The following SIPA1L3 variants were observed in gnomAD, a reference collection of about 807,000 sequenced individuals.
SIPA1L3 encodes signal induced proliferation associated 1 like 3.
Under a neutral mutation model 150.1 loss-of-function variants are expected in SIPA1L3, and 59 were observed. The observed-to-expected ratio is 0.39, with a 90% CI of 0.32 to 0.49. The LOEUF (loss-of-function observed/expected upper bound fraction) is 0.49, where lower values mean the gene tolerates loss of function less well. Ranked by LOEUF, SIPA1L3 falls within the 20% of genes least tolerant of loss-of-function variation. The probability of loss-of-function intolerance (pLI) is 0.86; values close to 1 mark genes in which losing one functional copy is unlikely to be tolerated. For synonymous variants in SIPA1L3, 1,070 were observed against 1,077.6 expected, an observed-to-expected ratio of 0.99 and a Z score of 0.14; for missense variants, 2,211 against 2,489.5, an observed-to-expected ratio of 0.89 and a Z score of 2.38.
chr19:37,974,694 A>C (rs1941004142), intron 1 of SIPA1L3, among the ~76,000 whole-genome samples: 1 of 151,966 alleles, frequency 6.6e-6, no homozygotes, highest in African/African-American at 2.4e-5. Flanking sequence ...GTTACTGATG[A>C]TGACTTTTGA....
intron 1 of SIPA1L3, chr19:37,964,486 C>CTTT (rs1325302317): frequency 6.5e-6 from 1 of 154,054 alleles, no homozygotes; most frequent in Admixed American, 6.5e-5. Context: ...TTCTGTCTTT[C>CTTT]TTTTTGTTTG....
At position 38,016,649 on chromosome 19, in the gene SIPA1L3, C is replaced by T. The variant is rs1338452532; in HGVS notation, c.-378-12440C>T. ...CTGGGATTACGGGCACATGCCACCA[C>T]GCTCAGCTAACTTTTGTATTTTTAG... On this transcript the variant is annotated intron_variant, in intron 1 of 21. Transcript: ENST00000222345. Among the ~76,000 whole-genome samples, 8 of 152,166 alleles carry T rather than the reference C, an allele frequency of 5.3e-5. No homozygotes were observed. The South Asian group carries it at 6.2e-4, about 12-fold the overall frequency.
At chr19:38,152,259 G>A (rs1026392588) in intron 12 of SIPA1L3, among the ~76,000 whole-genome samples, 10 of 152,146 alleles carry the variant, frequency 6.6e-5, no homozygotes, top group Non-Finnish European at 1.2e-4. Flanking sequence ...TGGACATGAC[G>A]GGGCATCCTT....
intron 1 of SIPA1L3, among the ~76,000 whole-genome samples, chr19:37,985,955 C>T (rs1340719061): frequency 2.0e-5 from 3 of 152,250 alleles, no homozygotes; most frequent in South Asian, 2.1e-4. Flanking sequence ...CCAGCTGCGC[C>T]GTCATGCGAG....
chr19:37,950,385 C>T (rs2046752566), intron 1 of SIPA1L3, among the ~76,000 whole-genome samples: 1 of 152,134 alleles, frequency 6.6e-6, no homozygotes, highest in African/African-American at 2.4e-5. Flanking sequence ...CAAGATAGGA[C>T]TTGGGAATAA....
intron 2 of SIPA1L3, among the ~76,000 whole-genome samples, chr19:38,037,370 A>C (rs1168477758): frequency 1.3e-5 from 2 of 152,170 alleles, no homozygotes; most frequent in African/African-American, 2.4e-5. Flanking sequence ...TCCCTGGTAG[A>C]GGGAACCGCA....
chr19:37,915,829 G>C (rs8102871), intron 1 of SIPA1L3, among the ~76,000 whole-genome samples: 125,235 of 152,114 alleles, frequency 0.82, 52,142 homozygotes, highest in African/African-American at 0.94. Flanking sequence ...TTGCTGTAGC[G>C]TGGGCGTATT....
chr19:38,094,493 C>T (rs1970333419), intron 4 of SIPA1L3, among the ~76,000 whole-genome samples: 1 of 152,148 alleles, frequency 6.6e-6, no homozygotes, highest in African/African-American at 2.4e-5. Context: ...TCAGGTGACC[C>T]TCCTCCTTTG....
At chr19:38,155,352 A>G (rs1466082106) in intron 13 of SIPA1L3, among the ~76,000 whole-genome samples, 1 of 152,202 alleles carries the variant, frequency 6.6e-6, no homozygotes, top group Non-Finnish European at 1.5e-5. Context: ...CTGGGATTAC[A>G]GGCGCGAGCC....
chr19:37,987,635 G>A (rs925778841), intron 1 of SIPA1L3, among the ~76,000 whole-genome samples: 36 of 152,140 alleles, frequency 2.4e-4, no homozygotes, highest in South Asian at 2.1e-4. Context: ...GGTTACCAGC[G>A]GCCTCGCACC....
At chr19:38,171,099 G>A (rs1972318405) in intron 15 of SIPA1L3, among the ~76,000 whole-genome samples, 1 of 151,760 alleles carries the variant, frequency 6.6e-6, no homozygotes. Flanking sequence ...ATGTATATAT[G>A]ACTATTTACC....
chr19:38,136,470 G>C (rs1180457953), intron 10 of SIPA1L3, among the ~76,000 whole-genome samples: 2 of 152,056 alleles, frequency 1.3e-5, no homozygotes, highest in South Asian at 2.1e-4. Flanking sequence ...CGGGCATGGT[G>C]GCAGGCGCCT....
intron 5 of SIPA1L3, 33 bp downstream of exon 5, chr19:38,100,183 G>T: frequency 6.8e-7 from 1 of 1,464,604 alleles, no homozygotes. Flanking sequence ...GGGTGCTGCT[G>T]GGGCAGTACC....
chr19:38,020,362 C>T (rs534410496), intron 1 of SIPA1L3, among the ~76,000 whole-genome samples: 1 of 152,174 alleles, frequency 6.6e-6, no homozygotes, highest in East Asian at 1.9e-4. Context: ...CAAAATAAAG[C>T]CTGACCTATT....
intron 15 of SIPA1L3, among the ~76,000 whole-genome samples, chr19:38,173,841 G>A (rs1343803022): frequency 2.6e-5 from 4 of 152,214 alleles, no homozygotes; most frequent in African/African-American, 9.6e-5. Flanking sequence ...GATCTGCAGG[G>A]CGGGGAGCAG....
chr19:37,992,911 G>C (rs181181203), intron 1 of SIPA1L3, among the ~76,000 whole-genome samples: 1 of 152,320 alleles, frequency 6.6e-6, no homozygotes, highest in Admixed American at 6.5e-5. Context: ...TCTGTGGTCA[G>C]TTGTGCAGGG....
At chr19:38,117,632 A>G (rs949680610) in intron 8 of SIPA1L3, among the ~76,000 whole-genome samples, 3 of 151,414 alleles carry the variant, frequency 2.0e-5, no homozygotes, top group Non-Finnish European at 2.9e-5. Context: ...AAAAAAAAAA[A>G]GAGCATTACC....
At chr19:38,132,221 A>AAGAATGAAGCTAC in intron 10 of SIPA1L3, among the ~76,000 whole-genome samples, 1 of 152,156 alleles carries the variant, frequency 6.6e-6, no homozygotes, top group South Asian at 2.1e-4. Context: ...CCTGGGCAAC[A>AAGAATGAAGCTAC]GAGGGAGACC....
chr19:38,105,417 G>A (rs1329291299), intron 6 of SIPA1L3, among the ~76,000 whole-genome samples: 3 of 151,506 alleles, frequency 2.0e-5, no homozygotes, highest in African/African-American at 7.3e-5. Flanking sequence ...TACTGGTCCA[G>A]ACGCTACCAC....
Sources: allele counts gnomAD v4.1 joint callset (sites outside exome capture counted in the v4.1 genomes callset), GRCh38; gene constraint gnomAD v4.1.1; transcripts MANE v1.5; gene names NCBI Gene and HGNC (gene_info 2026-07-23, HGNC 2026-07-21).